The following ITPRID1 variants were observed in gnomAD, a reference collection of about 807,000 sequenced individuals.
ITPRID1 encodes protein ITPRID1.
In ITPRID1, 96 loss-of-function variants were observed where a neutral mutation model predicts 95.4. The ratio of observed to expected loss-of-function variants is 1.01; its 90% CI spans 0.85 to 1.19. ITPRID1 has a LOEUF of 1.19. ITPRID1 is among the 50% of genes most tolerant of loss of function. The pLI is 0.00. For synonymous variants in ITPRID1, 510 were observed against 453.6 expected, an observed-to-expected ratio of 1.12 and a Z score of -1.58; for missense variants, 1,339 against 1,252.9, an observed-to-expected ratio of 1.07 and a Z score of -1.04.
At chr7:31,575,875 C>T (rs1785163229) in intron 8 of ITPRID1, among the ~76,000 whole-genome samples, 1 of 95,092 alleles carries the variant, frequency 1.1e-5, no homozygotes, top group African/African-American at 3.5e-5. Context: ...CTCAAAACTT[C>T]AGGAATGATA....
In ITPRID1 at chr7:31,609,941, G is replaced by C. The variant is rs548946379; in HGVS notation, c.1228+26750G>C. Reference sequence around the variant, plus strand: ...TAGCTAAAAATTCCCCTCAAAGCCTGCTTTTGCTGCATTCATACATTTTGA... The same window carrying C: ...TAGCTAAAAATTCCCCTCAAAGCCTCCTTTTGCTGCATTCATACATTTTGA... On this transcript the variant is annotated intron_variant, in intron 10 of 14. Coordinates refer to ENST00000615280, the MANE Select transcript of ITPRID1 (RefSeq NM_001257967.3). Among the ~76,000 whole-genome samples, 404 of 151,434 alleles carry C rather than the reference G, an allele frequency of 2.7e-3. 3 individuals carry two copies. The highest frequency in any genetic ancestry group is 9.4e-3 in the African/African-American group (390 of 41,424).
intron 12 of ITPRID1, 134 bp from the exon 13 acceptor site, chr7:31,651,008 C>A (rs1790894306): frequency 1.1e-6 from 1 of 915,984 alleles, no homozygotes; most frequent in African/African-American, 1.7e-5. Flanking sequence ...CTTCCTATTC[C>A]CTCCCCCTTA....
At chr7:31,543,341 T>C (rs548798242) in intron 1 of ITPRID1, among the ~76,000 whole-genome samples, 1 of 152,132 alleles carries the variant, frequency 6.6e-6, no homozygotes, top group Non-Finnish European at 1.5e-5. Flanking sequence ...TGAAGAAAAG[T>C]AATTCAGTCG....
chr7:31,581,751 A>G (rs1333471064), intron 9 of ITPRID1, among the ~76,000 whole-genome samples: 1 of 152,254 alleles, frequency 6.6e-6, no homozygotes, highest in East Asian at 1.9e-4. Context: ...CATGTGCTTC[A>G]CATTGCCCTA....
chr7:31,614,680 A>G (rs771207146), intron 10 of ITPRID1, among the ~76,000 whole-genome samples: 28 of 152,354 alleles, frequency 1.8e-4, no homozygotes, highest in Non-Finnish European at 3.2e-4. Flanking sequence ...TATAAAAAAC[A>G]AAATGGGTTA....
Position 31,615,484 on chromosome 7 carries a change from G to GAAGT in ITPRID1, c.1229-26691_1229-26688dup, listed in dbSNP as rs201964293. On this transcript the variant is annotated intron_variant, in intron 10 of 14. Coordinates refer to ENST00000615280, the MANE Select transcript of ITPRID1 (RefSeq NM_001257967.3). ...GTTATTAGTACTATGGACGCATCTTGAAGTCATTTTTAAATTCTCTTATGC... is the reference window on the plus strand; with the variant it reads ...GTTATTAGTACTATGGACGCATCTTGAAGTAAGTCATTTTTAAATTCTCTTATGC... Among the ~76,000 whole-genome samples, 514 of 152,222 alleles carry GAAGT rather than the reference G, an allele frequency of 3.4e-3. 3 individuals are homozygous for GAAGT. Among genetic ancestry groups the GAAGT allele is most frequent in the African/African-American group, 0.012 (494 of 41,508 alleles).
intron 10 of ITPRID1, among the ~76,000 whole-genome samples, chr7:31,623,434 G>A (rs1380182292): frequency 1.3e-5 from 2 of 151,772 alleles, no homozygotes; most frequent in South Asian, 2.1e-4. Flanking sequence ...TCCCTGGGAT[G>A]CAAGGCTGGT....
At position 31,642,743 on chromosome 7, in the gene ITPRID1, A is replaced by T. The variant is rs758549156; in HGVS notation, c.1373A>T (p.Gln458Leu). The T allele has an allele frequency of 5.0e-6, 8 of 1,614,042 alleles. No homozygotes were observed. The highest frequency in any genetic ancestry group is 5.1e-6 in the Non-Finnish European group (6 of 1,179,888). Residue 458 changes from glutamine (Q) to leucine (L), a missense_variant, in exon 12 of 15, where the codon CAG becomes CTG. By Grantham distance (113) the Gln-to-Leu change is moderately radical (BLOSUM62 -2). Transcript: ENST00000615280. ...AATGGAGGTAGAAAGCCAAGAGATC[A>T]GAGCCACAGCTTAGTATCATCCCAG... Reference protein sequence around the residue: ...AENGGRKPRDQSHSLVSSQDC... With the variant: ...AENGGRKPRDLSHSLVSSQDC...
intron 8 of ITPRID1, among the ~76,000 whole-genome samples, chr7:31,575,702 A>G (rs1430487503): frequency 3.3e-5 from 5 of 152,232 alleles, no homozygotes; most frequent in African/African-American, 7.2e-5. Flanking sequence ...GGGAAATGAC[A>G]AAATTCTGAT....
At chr7:31,577,041 A>G (rs1049821887) in intron 8 of ITPRID1, among the ~76,000 whole-genome samples, 8 of 152,128 alleles carry the variant, frequency 5.3e-5, no homozygotes, top group African/African-American at 1.7e-4. Context: ...TAGAGGCCAG[A>G]TCATCCAGAA....
rs779456068 is a variant in ITPRID1, at chr7:31,578,347, T to C, written c.1083T>C (p.Thr361=). ...CVSEGSVKGR[T]QKENLFQTNK... is the part of the protein sequence containing the mutation. ...CTGAGGGGTCAGTCAAGGGCAGAAC[T>C]CAGAAGGAGAACTTATTTCAGACTA... Residue 361 remains threonine, a synonymous_variant, in exon 9 of 15, where the codon ACT becomes ACC. Coordinates refer to ENST00000615280, the MANE Select transcript of ITPRID1 (RefSeq NM_001257967.3). 1 of 1,613,848 alleles carries C rather than the reference T, an allele frequency of 6.2e-7. No individual in the cohort carries two copies. Among genetic ancestry groups the C allele is most frequent in the Non-Finnish European group, 8.5e-7 (1 of 1,179,824 alleles).
At chr7:31,524,610 A>G (rs1783366883) in intron 1 of ITPRID1, among the ~76,000 whole-genome samples, 1 of 152,210 alleles carries the variant, frequency 6.6e-6, no homozygotes, top group African/African-American at 2.4e-5. Context: ...TGAGCAATCT[A>G]AGTCATAAGA....
At chr7:31,646,803 G>A (rs1790507102) in intron 12 of ITPRID1, among the ~76,000 whole-genome samples, 1 of 152,088 alleles carries the variant, frequency 6.6e-6, no homozygotes, top group African/African-American at 2.4e-5. Context: ...GGGTGTGAGG[G>A]CCACCATCCG....
intron 7 of ITPRID1, among the ~76,000 whole-genome samples, chr7:31,573,340 A>G (rs1785057892): frequency 6.6e-6 from 1 of 152,150 alleles, no homozygotes; most frequent in Non-Finnish European, 1.5e-5. Context: ...GATACACACA[A>G]TTATTATTTG....
At chr7:31,621,944 G>A (rs1420093778) in intron 10 of ITPRID1, among the ~76,000 whole-genome samples, 2 of 148,976 alleles carry the variant, frequency 1.3e-5, no homozygotes, top group Non-Finnish European at 1.5e-5. Flanking sequence ...AAAAAGGCAG[G>A]GGTTGCAATC....
intron 10 of ITPRID1, among the ~76,000 whole-genome samples, chr7:31,599,031 G>C (rs995186698): frequency 6.6e-6 from 1 of 152,162 alleles, no homozygotes; most frequent in African/African-American, 2.4e-5. Flanking sequence ...AAGATGCATA[G>C]ATCCCTTAAC....
intron 10 of ITPRID1, among the ~76,000 whole-genome samples, chr7:31,594,914 C>G (rs934281922): frequency 1.1e-4 from 16 of 151,542 alleles, no homozygotes; most frequent in African/African-American, 3.6e-4. Context: ...TTTTACAGAC[C>G]AAGCATAAAA....
chr7:31,647,062 A>G (rs769063682), intron 12 of ITPRID1, among the ~76,000 whole-genome samples: 1 of 152,260 alleles, frequency 6.6e-6, no homozygotes, highest in East Asian at 1.9e-4. Context: ...TTATACTCCT[A>G]TGCAGGCATA....
intron 1 of ITPRID1, among the ~76,000 whole-genome samples, chr7:31,547,698 A>G (rs1784146096): frequency 6.6e-6 from 1 of 152,110 alleles, no homozygotes; most frequent in Non-Finnish European, 1.5e-5. Flanking sequence ...GGAATCAGAG[A>G]AGACTCATAA....
Sources: allele counts gnomAD v4.1 joint callset (sites outside exome capture counted in the v4.1 genomes callset), GRCh38; gene constraint gnomAD v4.1.1; transcripts MANE v1.5; gene names NCBI Gene and HGNC (gene_info 2026-07-23, HGNC 2026-07-21).